BMERB1: variants seen among roughly 807,000 people sequenced by gnomAD.
The protein encoded by BMERB1 is bMERB domain containing 1, also known as bMERB domain-containing protein 1.
Under a neutral mutation model 23.6 loss-of-function variants are expected in BMERB1, and 12 were observed. The ratio of observed to expected loss-of-function variants is 0.51; its 90% CI spans 0.33 to 0.82. The LOEUF is 0.82. Ranked by LOEUF, BMERB1 falls within the 40% of genes least tolerant of loss-of-function variation. The pLI is 0.03. For synonymous variants in BMERB1, 122 were observed against 96.6 expected, an observed-to-expected ratio of 1.26 and a Z score of -1.54; for missense variants, 247 against 255.4, an observed-to-expected ratio of 0.97 and a Z score of 0.22.
chr16:15,508,572 C>T (rs1300942558), intron 1 of BMERB1, among the ~76,000 whole-genome samples: 1 of 152,008 alleles, frequency 6.6e-6, no homozygotes, highest in African/African-American at 2.4e-5. Flanking sequence ...CCTGTAATCC[C>T]AGCGCTTTGG....
chr16:15,466,738 GTA>G (rs1258460305), intron 1 of BMERB1, among the ~76,000 whole-genome samples: 1 of 128,032 alleles, frequency 7.8e-6, no homozygotes, highest in Non-Finnish European at 1.8e-5. Context: ...GTGTGTGTGT[GTA>G]TTTAGTTCTA....
intron 1 of BMERB1, among the ~76,000 whole-genome samples, chr16:15,464,227 C>T (rs2051161664): frequency 1.3e-5 from 2 of 150,854 alleles, no homozygotes; most frequent in Admixed American, 1.3e-4. Context: ...GCAGGAGAAT[C>T]ACCTGAACCT....
At chr16:15,437,156 C>A (rs2050895526) in intron 1 of BMERB1, among the ~76,000 whole-genome samples, 1 of 152,096 alleles carries the variant, frequency 6.6e-6, no homozygotes, top group African/African-American at 2.4e-5. Context: ...AGTCACAGAA[C>A]ATGCTCAGTG....
intron 2 of BMERB1, among the ~76,000 whole-genome samples, chr16:15,551,218 CT>C (rs2030082914): frequency 6.6e-6 from 1 of 152,316 alleles, no homozygotes; most frequent in South Asian, 2.1e-4. Flanking sequence ...CCACCTGCAC[CT>C]GCAGTCTTTA....
intron 2 of BMERB1, among the ~76,000 whole-genome samples, chr16:15,523,276 T>C (rs1464780379): frequency 1.3e-5 from 2 of 152,060 alleles, no homozygotes; most frequent in African/African-American, 2.4e-5. Context: ...CTGCAGCTCT[T>C]GACGTCCAGC....
intron 2 of BMERB1, among the ~76,000 whole-genome samples, chr16:15,517,241 G>A (rs1451798834): frequency 2.0e-5 from 3 of 152,142 alleles, no homozygotes; most frequent in African/African-American, 7.2e-5. Flanking sequence ...AGGTGTGGTG[G>A]CTCACATCTA....
chr16:15,503,923 T>C (rs2150944431), intron 1 of BMERB1, among the ~76,000 whole-genome samples: 1 of 152,316 alleles, frequency 6.6e-6, no homozygotes, highest in Non-Finnish European at 1.5e-5. Context: ...TTTTTGTCTG[T>C]TTTGCTCATT....
intron 2 of BMERB1, among the ~76,000 whole-genome samples, chr16:15,549,348 CAAAAAAA>C (rs11367653): frequency 2.1e-5 from 2 of 93,938 alleles, no homozygotes; most frequent in Non-Finnish European, 4.3e-5. Flanking sequence ...GATTCTATCT[CAAAAAAA>C]AAAAAAAAAA....
At chr16:15,448,722 G>A (rs1469779461) in intron 1 of BMERB1, among the ~76,000 whole-genome samples, 2 of 152,184 alleles carry the variant, frequency 1.3e-5, no homozygotes, top group Non-Finnish European at 2.9e-5. Context: ...AACCTGGGAG[G>A]CAGAGGTTGC....
intron 1 of BMERB1, among the ~76,000 whole-genome samples, chr16:15,472,834 T>G (rs2051241361): frequency 6.6e-6 from 1 of 151,812 alleles, no homozygotes; most frequent in South Asian, 2.1e-4. Context: ...TCCTACAGGT[T>G]ACTTGACATA....
chr16:15,474,166 A>T (rs1020069061), intron 1 of BMERB1, among the ~76,000 whole-genome samples: 85 of 148,406 alleles, frequency 5.7e-4, no homozygotes, highest in Non-Finnish European at 1.0e-3. Flanking sequence ...TCCATTCAAG[A>T]TTTTTCTTTT....
chr16:15,440,625 T>C (rs981570798), intron 1 of BMERB1, among the ~76,000 whole-genome samples: 1 of 152,294 alleles, frequency 6.6e-6, no homozygotes, highest in East Asian at 1.9e-4. Context: ...TATAAAAAAT[T>C]TGAATTCATC....
intron 1 of BMERB1, among the ~76,000 whole-genome samples, chr16:15,489,396 C>A (rs1213780522): frequency 3.3e-5 from 5 of 152,122 alleles, no homozygotes; most frequent in Non-Finnish European, 7.3e-5. Flanking sequence ...TTCCTACCCC[C>A]TCTTTTTGGA....
intron 5 of BMERB1, among the ~76,000 whole-genome samples, chr16:15,584,778 C>G (rs1018659235): frequency 1.3e-5 from 2 of 152,172 alleles, no homozygotes; most frequent in African/African-American, 4.8e-5. Flanking sequence ...GACCAGAACC[C>G]TAGAACCATA....
chr16:15,571,683 G>T (rs2030731101), intron 3 of BMERB1, among the ~76,000 whole-genome samples: 1 of 151,972 alleles, frequency 6.6e-6, no homozygotes, highest in South Asian at 2.1e-4. Context: ...TTCCTAAACA[G>T]ATAGCTGCAA....
rs974317002 is a variant in BMERB1 at position 15,541,890 on chromosome 16, C to T, written c.231-26093C>T. On this transcript the variant is annotated intron_variant, in intron 2 of 5. Coordinates refer to ENST00000300006, the MANE Select transcript of BMERB1 (RefSeq NM_033201.3). ...GTGCTGGGATTACAGGCTTGAGCCA[C>T]CATACCCGGCCTAAATTTTTTTTTT... is the stretch of plus-strand genomic sequence containing the variant. 1.9e-4 allele frequency among the ~76,000 whole-genome samples: 28 copies of T among 148,444 alleles called. No individual in the cohort carries two copies. The East Asian group carries it at 5.0e-3, about 27-fold the overall frequency.
At chr16:15,468,135 CTTTTTTTTTTTTTT>C (rs749534588) in intron 1 of BMERB1, among the ~76,000 whole-genome samples, 2 of 31,018 alleles carry the variant, frequency 6.4e-5, no homozygotes, top group African/African-American at 1.7e-4. Context: ...CTTTCTTCTT[CTTTTTTTTTTTTTT>C]TTTTTTTTTT....
At chr16:15,451,478 C>T (rs981817065) in intron 1 of BMERB1, among the ~76,000 whole-genome samples, 4 of 150,926 alleles carry the variant, frequency 2.7e-5, no homozygotes, top group Admixed American at 6.6e-5. Context: ...CCACCATGCC[C>T]GGCCTATTTT....
chr16:15,520,167 C>T (rs983336153), intron 2 of BMERB1, among the ~76,000 whole-genome samples: 10 of 151,934 alleles, frequency 6.6e-5, no homozygotes, highest in Non-Finnish European at 1.3e-4. Context: ...GTGACTTGTT[C>T]GAGGTCACCA....
Sources: allele counts gnomAD v4.1 joint callset (sites outside exome capture counted in the v4.1 genomes callset), GRCh38; gene constraint gnomAD v4.1.1; transcripts MANE v1.5; gene names NCBI Gene and HGNC (gene_info 2026-07-23, HGNC 2026-07-21).